Variants in PPP1R37 observed in about 807,000 individuals in gnomAD.
PPP1R37 encodes leucine rich repeat containing 68.
Under a neutral mutation model 61.0 loss-of-function variants are expected in PPP1R37, and 21 were observed. That is an observed-to-expected ratio of 0.34 (90% CI 0.24 to 0.50). PPP1R37 has a LOEUF of 0.50. Ranked by LOEUF, PPP1R37 falls within the 20% of genes least tolerant of loss-of-function variation. The pLI is 0.98. For missense variants in PPP1R37, 910 were observed against 952.7 expected (o/e 0.96, Z 0.59); for synonymous variants, 443 against 433.5 (o/e 1.02, Z -0.27).
chr19:45,138,902 A>ATTTTTT (rs1968572009), intron 2 of PPP1R37, among the ~76,000 whole-genome samples: 1 of 90,720 alleles, frequency 1.1e-5, no homozygotes. Context: ...AAATTTATGT[A>ATTTTTT]TTCTTTTTTT....
chr19:45,124,109 G>A (rs1599702121), intron 1 of PPP1R37, among the ~76,000 whole-genome samples: 2 of 152,292 alleles, frequency 1.3e-5, no homozygotes, highest in African/African-American at 4.8e-5. Flanking sequence ...ATAGTCCAGT[G>A]GGGGAGACAC....
intron 1 of PPP1R37, among the ~76,000 whole-genome samples, chr19:45,120,154 A>G (rs1055543353): frequency 3.3e-5 from 5 of 151,180 alleles, no homozygotes; most frequent in African/African-American, 1.2e-4. Context: ...AGTAGCTGGG[A>G]CTACAGGTGC....
At chr19:45,111,740 G>A (rs374446331) in intron 1 of PPP1R37, among the ~76,000 whole-genome samples, 1 of 150,810 alleles carries the variant, frequency 6.6e-6, no homozygotes, top group African/African-American at 2.4e-5. Context: ...TGTCCTGACT[G>A]TTGTCATTGT....
chr19:45,142,048 C>T lies in PPP1R37; in HGVS notation c.568-13C>T, dbSNP rs1641105378. ...TGAGCCAGTGCCTCACCCCTGTCCT[C>T]TTGCCCCTGCAGACGAGCTGCCTGC... On this transcript the variant is annotated splice_polypyrimidine_tract_variant and intron_variant, in intron 5 of 12. Coordinates refer to ENST00000221462, the MANE Select transcript of PPP1R37 (RefSeq NM_019121.2). The T allele has an allele frequency of 1.3e-6, 2 of 1,502,840 alleles. No individual in the cohort carries two copies. The highest frequency in any genetic ancestry group is 1.4e-5 in the African/African-American group (1 of 72,502). 93.1% of individuals were successfully genotyped at this position (1,502,840 alleles called of 1,614,324 possible).
Position 45,121,617 on chromosome 19 carries a change from G to T in PPP1R37, c.203-16897G>T, listed in dbSNP as rs1027973444. Among the ~76,000 whole-genome samples, 4 of 152,242 alleles carry T rather than the reference G, an allele frequency of 2.6e-5. No homozygotes were observed. The highest frequency in any genetic ancestry group is 9.6e-5 in the African/African-American group (4 of 41,474). On this transcript the variant is annotated intron_variant, in intron 1 of 12. Coordinates refer to ENST00000221462, the MANE Select transcript of PPP1R37 (RefSeq NM_019121.2). This position sits in a 1 kb window ranked among gnomAD's most constrained non-coding sequence, Gnocchi z 4.2. ...ACAGGGTCCTCACGCAAGGACCTGA[G>T]AGATGTGTGGGCAGCTGTGTGCAGT...
At chr19:45,126,500 A>G (rs1968406798) in intron 1 of PPP1R37, among the ~76,000 whole-genome samples, 1 of 152,172 alleles carries the variant, frequency 6.6e-6, no homozygotes, top group South Asian at 2.1e-4. Flanking sequence ...GGGCTCTGCC[A>G]TGTTGGTGGT....
intron 1 of PPP1R37, among the ~76,000 whole-genome samples, chr19:45,117,060 G>T (rs944700050): frequency 1.3e-5 from 2 of 152,012 alleles, no homozygotes; most frequent in Non-Finnish European, 2.9e-5. Context: ...CTACAGGCAC[G>T]TGTCACCACA....
At chr19:45,114,775 C>G (rs1968243595) in intron 1 of PPP1R37, among the ~76,000 whole-genome samples, 1 of 151,822 alleles carries the variant, frequency 6.6e-6, no homozygotes, top group Admixed American at 6.6e-5. Flanking sequence ...GTGAGACCCC[C>G]CCCCCCATCT....
At chr19:45,113,811 C>G (rs927169049) in intron 1 of PPP1R37, among the ~76,000 whole-genome samples, 14 of 152,224 alleles carry the variant, frequency 9.2e-5, no homozygotes, top group African/African-American at 3.4e-4. Flanking sequence ...GTCTTCACTT[C>G]GGCACCATCA....
chr19:45,117,819 G>A (rs1386095687), intron 1 of PPP1R37, among the ~76,000 whole-genome samples: 3 of 152,216 alleles, frequency 2.0e-5, no homozygotes, highest in Non-Finnish European at 4.4e-5. Flanking sequence ...AGTAGCACCT[G>A]GCAGGAGGCT....
At chr19:45,128,528 G>C in intron 1 of PPP1R37, 1 of 1,119,580 alleles carries the variant, frequency 8.9e-7, no homozygotes, top group Non-Finnish European at 1.3e-6. Flanking sequence ...ACAAGGTTGA[G>C]TCAGTGTGTT....
At chr19:45,141,560 G>A in intron 5 of PPP1R37, 119 bp downstream of exon 5, 2 of 1,307,196 alleles carry the variant, frequency 1.5e-6, no homozygotes, top group East Asian at 2.6e-5. Flanking sequence ...GGCTGTTGTG[G>A]GGATGCTGGG....
rs776802828 is a variant in PPP1R37, at chr19:45,093,482, G to A, written c.157G>A (p.Asp53Asn). The change falls in exon 1 of 13, where the codon GAT (aspartate) becomes AAT (asparagine). Residue 53 changes from aspartate to asparagine, a missense_variant. Around this residue, in one of 3 missense-constraint regions of PPP1R37, gnomAD observed 280 missense variants for 382.2 expected, o/e 0.73. Coordinates refer to ENST00000221462, the MANE Select transcript of PPP1R37 (RefSeq NM_019121.2). ...AKRVTFPSDE[D>N]IVSGAVEPKD... ...GCGCGTCACATTCCCGTCCGACGAG[G>A]ATATCGTGTCTGGAGCAGTGGAGCC... 5 of 1,535,568 alleles carry A rather than the reference G, an allele frequency of 3.3e-6. No homozygotes were observed. The Middle Eastern group carries it at 5.0e-4, about 154-fold the overall frequency.
intron 7 of PPP1R37, 151 bp downstream of exon 7, chr19:45,142,609 G>C: frequency 1.3e-6 from 1 of 796,780 alleles, no homozygotes; most frequent in Non-Finnish European, 2.0e-6. Context: ...ACCCGCCCTA[G>C]ACAGTGACAA....
intron 1 of PPP1R37, among the ~76,000 whole-genome samples, chr19:45,107,063 A>T (rs1020242959): frequency 6.6e-6 from 1 of 150,906 alleles, no homozygotes; most frequent in Non-Finnish European, 1.5e-5. Context: ...TGATCCGCCC[A>T]CCTTGGCCTC....
rs549241442 is a variant in PPP1R37 at position 45,146,851 on chromosome 19, G to A, written c.*289G>A. 5.8e-5 allele frequency: 12 copies of A among 206,840 alleles called. No individual in the cohort carries two copies. The highest frequency in any genetic ancestry group is 1.6e-4 in the Admixed American group (3 of 18,486). 12.8% of individuals were successfully genotyped at this position (206,840 alleles called of 1,614,324 possible). A position where few individuals can be genotyped will look rare whatever the true frequency, so the allele number is the denominator to read the frequency against. ...GAGGAGGTCTCCAAGGACATCAGGC[G>A]CCTGTTCTGGAGGGGCCAGGCTTGC... is the stretch of plus-strand genomic sequence containing the variant. On this transcript the variant is annotated 3_prime_UTR_variant, in exon 13 of 13. Transcript: ENST00000221462.
chr19:45,133,393 C>G lies in PPP1R37; in HGVS notation c.203-5121C>G, dbSNP rs1387347714. 2.0e-5 allele frequency among the ~76,000 whole-genome samples: 3 copies of G among 152,162 alleles called. No individual in the cohort carries two copies. The East Asian group carries it at 5.8e-4, about 29-fold the overall frequency. On this transcript the variant is annotated intron_variant, in intron 1 of 12. Transcript: ENST00000221462. Reference sequence around the variant, plus strand: ...GCCACCGCGCCCGGCCCAGAATTCACGTTCTTAACCATATTGCAAGACTCT... The same window carrying G: ...GCCACCGCGCCCGGCCCAGAATTCAGGTTCTTAACCATATTGCAAGACTCT...
chr19:45,095,628 T>C (rs1405213753), intron 1 of PPP1R37, among the ~76,000 whole-genome samples: 1 of 151,752 alleles, frequency 6.6e-6, no homozygotes, highest in African/African-American at 2.4e-5. Context: ...CCAGGTGTGG[T>C]GGTGCACGCC....
chr19:45,111,959 T>TTTTCTTTTC (rs1802874276), intron 1 of PPP1R37, among the ~76,000 whole-genome samples: 1 of 151,914 alleles, frequency 6.6e-6, no homozygotes, highest in South Asian at 2.1e-4. Context: ...GGGTCTTGGT[T>TTTTCTTTTC]TTTCTTTTCT....
Sources: allele counts gnomAD v4.1 joint callset (sites outside exome capture counted in the v4.1 genomes callset), GRCh38; gene constraint gnomAD v4.1.1; regional missense constraint gnomAD v4.1.1; non-coding constraint Gnocchi (gnomAD v3.1); transcripts MANE v1.5; gene names NCBI Gene and HGNC (gene_info 2026-07-23, HGNC 2026-07-21).